Variants in CD6 observed in about 807,000 individuals in gnomAD.
CD6 encodes CD6 molecule.
CD6 carries 53 observed loss-of-function variants against 75.3 expected under a neutral mutation model. The ratio of observed to expected loss-of-function variants is 0.70; its 90% confidence interval spans 0.56 to 0.88. CD6 has a LOEUF of 0.88. Among genes scored for constraint, CD6 ranks in the 40% least tolerant of loss-of-function variants. CD6 has a pLI of 0.00. For missense variants in CD6, 770 were observed against 897.1 expected (o/e 0.86, Z 1.81); for synonymous variants, 359 against 381.5 (o/e 0.94, Z 0.69).
chr11:61,015,146 TGTAA>T (rs1859341848), intron 8 of CD6, among the ~76,000 whole-genome samples: 1 of 152,194 alleles, frequency 6.6e-6, no homozygotes, highest in Non-Finnish European at 1.5e-5. Context: ...AGGTAATACT[TGTAA>T]GTGTTAGAAT....
intron 9 of CD6, among the ~76,000 whole-genome samples, 197 bp downstream of exon 9, chr11:61,016,032 G>A (rs1461236423): frequency 6.6e-6 from 1 of 152,206 alleles, no homozygotes; most frequent in Non-Finnish European, 1.5e-5. Context: ...GGGTCATCTC[G>A]ATGTCTCAGG....
At chr11:61,014,596 G>A (rs981074196) in intron 8 of CD6, among the ~76,000 whole-genome samples, 1 of 152,060 alleles carries the variant, frequency 6.6e-6, no homozygotes, top group Non-Finnish European at 1.5e-5. Flanking sequence ...TTAGACAGGT[G>A]TGGTGGCGTG....
intron 1 of CD6, among the ~76,000 whole-genome samples, chr11:60,999,765 G>C (rs1212718612): frequency 6.6e-6 from 1 of 152,098 alleles, no homozygotes; most frequent in East Asian, 1.9e-4. Context: ...AACAGCACAG[G>C]GTCGGGTTCT....
At chr11:61,016,109 C>G (rs551038606) in intron 9 of CD6, among the ~76,000 whole-genome samples, 2 of 152,344 alleles carry the variant, frequency 1.3e-5, no homozygotes, top group South Asian at 4.1e-4. Flanking sequence ...TAAGACCAGG[C>G]CTTTGACATT....
intron 1 of CD6, among the ~76,000 whole-genome samples, chr11:60,983,832 T>C (rs1857686708): frequency 1.3e-5 from 2 of 152,236 alleles, no homozygotes; most frequent in African/African-American, 4.8e-5. Flanking sequence ...CTATTCTCCT[T>C]GAATCTGGAA....
In CD6 at chr11:61,006,552, T is replaced by C. The variant is rs142754995; in HGVS notation, c.50-22T>C. Reference sequence around the variant, plus strand: ...CAGGCCTGAGCTCACTCACCCACCATGCTGCTGCTGGTTCATTTCAGGTCA... The same window carrying C: ...CAGGCCTGAGCTCACTCACCCACCACGCTGCTGCTGGTTCATTTCAGGTCA... On this transcript the variant is annotated intron_variant, in intron 1 of 12. Transcript: ENST00000313421. 112 of 1,574,974 alleles carry C rather than the reference T, an allele frequency of 7.1e-5. No homozygotes were observed. In the African/African-American group the frequency reaches 1.1e-3, roughly 16 times the overall value.
intron 11 of CD6, 99 bp downstream of exon 11, chr11:61,018,112 C>A: frequency 6.8e-7 from 1 of 1,464,078 alleles, no homozygotes; most frequent in Non-Finnish European, 9.3e-7. Flanking sequence ...AGGATTCTAC[C>A]CAGTTCCGCA....
At chr11:60,986,216 A>G (rs558327439) in intron 1 of CD6, among the ~76,000 whole-genome samples, 1 of 152,354 alleles carries the variant, frequency 6.6e-6, no homozygotes, top group East Asian at 1.9e-4. Flanking sequence ...ATGCAAAGAG[A>G]GAAAAGAAGT....
chr11:60,977,893 A>G (rs1172217322), intron 1 of CD6, among the ~76,000 whole-genome samples: 1 of 152,212 alleles, frequency 6.6e-6, no homozygotes, highest in Non-Finnish European at 1.5e-5. Context: ...ATTATAAATC[A>G]CCATCATGAT....
Position 61,019,456 on chromosome 11 carries a change from C to T in CD6, c.*138C>T. On this transcript the variant is annotated 3_prime_UTR_variant, in exon 13 of 13. Transcript: ENST00000313421. ...CCTCCCTTGGAGAGATGGAAGGAAACGTTATACCTTGTACCCCTCGGTCTC... is the reference window on the plus strand; with the variant it reads ...CCTCCCTTGGAGAGATGGAAGGAAATGTTATACCTTGTACCCCTCGGTCTC... 1 of 627,370 alleles carries T rather than the reference C, an allele frequency of 1.6e-6. No homozygotes were observed. Among genetic ancestry groups the T allele is most frequent in the Admixed American group, 3.0e-5 (1 of 33,270 alleles). 38.9% of individuals were successfully genotyped at this position (627,370 alleles called of 1,614,324 possible).
intron 1 of CD6, among the ~76,000 whole-genome samples, chr11:60,977,194 T>C (rs757438452): frequency 6.6e-6 from 1 of 152,198 alleles, no homozygotes; most frequent in African/African-American, 2.4e-5. Flanking sequence ...CACTCAAGAA[T>C]TAAATTCAGT....
chr11:60,974,806 A>G (rs1857307441), intron 1 of CD6, among the ~76,000 whole-genome samples: 1 of 152,150 alleles, frequency 6.6e-6, no homozygotes, highest in African/African-American at 2.4e-5. Flanking sequence ...CTAATTCACC[A>G]TTGACTGTGC....
In CD6 at chr11:60,988,232, C is replaced by T. The variant is rs926963723; in HGVS notation, c.49+16318C>T. Among the ~76,000 whole-genome samples the T allele has an allele frequency of 1.1e-4, 17 of 152,320 alleles. 1 individual carries two copies. Among genetic ancestry groups the T allele is most frequent in the Admixed American group, 7.2e-4 (11 of 15,304 alleles). Reference sequence around the variant, plus strand: ...CCTCATGGAGATGAATAAGACGGTGCGTGCTGTATACATAAAGCTGGGGCA... The same window carrying T: ...CCTCATGGAGATGAATAAGACGGTGTGTGCTGTATACATAAAGCTGGGGCA... On this transcript the variant is annotated intron_variant, in intron 1 of 12. Transcript: ENST00000313421.
chr11:60,972,820 T>G (rs1857237602), intron 1 of CD6, among the ~76,000 whole-genome samples: 1 of 152,124 alleles, frequency 6.6e-6, no homozygotes, highest in Non-Finnish European at 1.5e-5. Flanking sequence ...TTTGGAGGAC[T>G]GGGTACATGT....
intron 1 of CD6, among the ~76,000 whole-genome samples, chr11:60,999,978 G>A (rs1392333439): frequency 6.6e-6 from 1 of 152,082 alleles, no homozygotes; most frequent in Non-Finnish European, 1.5e-5. Flanking sequence ...CTTGAATCAG[G>A]AGGGTGGAGG....
chr11:61,008,362 C>A, intron 3 of CD6, 172 bp from the exon 4 acceptor site: 1 of 642,160 alleles, frequency 1.6e-6, no homozygotes, highest in Non-Finnish European at 2.6e-6. Flanking sequence ...CAGCCTGCGG[C>A]TCTACCTAAC....
At chr11:61,006,536 G>A (rs770471070) in intron 1 of CD6, 38 bp from the exon 2 acceptor site, 115 of 1,542,492 alleles carry the variant, frequency 7.5e-5, no homozygotes, top group Non-Finnish European at 9.5e-5. Flanking sequence ...CCAGGCCTGA[G>A]CTCACTCACC....
intron 1 of CD6, among the ~76,000 whole-genome samples, chr11:60,991,113 T>TTTTC (rs1356539536): frequency 7.9e-5 from 12 of 151,288 alleles, no homozygotes; most frequent in African/African-American, 1.5e-4. Flanking sequence ...AGCCATTTCC[T>TTTTC]TTTCTTTCTT....
Position 60,971,790 on chromosome 11 carries a change from G to A in CD6, c.-76G>A. 6.8e-7 allele frequency: 1 copy of A among 1,472,132 alleles called. No homozygotes were observed. The highest frequency in any genetic ancestry group is 9.4e-7 in the Non-Finnish European group (1 of 1,061,810). The allele number at this position is 1,472,132 out of a possible 1,614,324, so 91.2% of individuals were successfully genotyped here. ...AGACCTGCGCCAGGGGCGCACAACG[G>A]CCGTGTCCACCTCCCGGCCCCAAGA... On this transcript the variant is annotated 5_prime_UTR_variant, in exon 1 of 13. Transcript: ENST00000313421.
Sources: allele counts gnomAD v4.1 joint callset (sites outside exome capture counted in the v4.1 genomes callset), GRCh38; gene constraint gnomAD v4.1.1; transcripts MANE v1.5; gene names NCBI Gene and HGNC (gene_info 2026-07-23, HGNC 2026-07-21).